SHOC1: variants seen among roughly 807,000 people sequenced by gnomAD.
The protein encoded by SHOC1 is shortage in chiasmata 1.
A neutral mutation model predicts 179.2 loss-of-function variants in SHOC1; 136 were observed. That is an observed-to-expected ratio of 0.76 (90% CI 0.66 to 0.87). SHOC1 has a LOEUF of 0.87. Ranked by LOEUF, SHOC1 falls within the 40% of genes least tolerant of loss-of-function variation. The pLI, the probability that SHOC1 is intolerant of heterozygous loss-of-function variation, is 0.00. For missense variants in SHOC1, 1,538 were observed against 1,700.8 expected, an observed-to-expected ratio of 0.90 and a Z score of 1.68; for synonymous variants, 489 against 586.6, an observed-to-expected ratio of 0.83 and a Z score of 2.41.
intron 3 of SHOC1, among the ~76,000 whole-genome samples, chr9:111,782,094 C>A (rs1449137768): frequency 6.6e-6 from 1 of 152,312 alleles, no homozygotes; most frequent in East Asian, 1.9e-4. Context: ...TGCCTGTAGT[C>A]CCAGCTCCTG....
intron 2 of SHOC1, among the ~76,000 whole-genome samples, chr9:111,788,201 C>A (rs1186769568): frequency 3.4e-5 from 5 of 148,238 alleles, no homozygotes; most frequent in African/African-American, 1.2e-4. Context: ...CAGCGAGACT[C>A]CATCTCAAAA....
chr9:111,710,433 G>A (rs1388720487), intron 18 of SHOC1, among the ~76,000 whole-genome samples: 3 of 152,088 alleles, frequency 2.0e-5, no homozygotes, highest in African/African-American at 4.8e-5. Flanking sequence ...GTATATTTCG[G>A]TTCAGTCTTT....
chr9:111,695,652 T>A (rs1251936487), intron 24 of SHOC1, among the ~76,000 whole-genome samples: 5 of 152,186 alleles, frequency 3.3e-5, no homozygotes. Context: ...ATCAGAATCA[T>A]CTGAATCATC....
chr9:111,723,939 T>A (rs12349541), intron 13 of SHOC1, 28 bp from the exon 14 acceptor site: 291,304 of 1,437,468 alleles, frequency 0.2, 31,074 homozygotes, highest in Non-Finnish European at 0.22. Flanking sequence ...AAATATAAAT[T>A]TTTGTTGTTC....
intron 12 of SHOC1, among the ~76,000 whole-genome samples, chr9:111,729,976 G>A (rs1476264121): frequency 6.6e-6 from 1 of 151,398 alleles, no homozygotes; most frequent in Non-Finnish European, 1.5e-5. Flanking sequence ...ATCCTTTGTT[G>A]TCATTACAAC....
Position 111,692,449 on chromosome 9 carries a change from T to C in SHOC1, c.3528A>G (p.Gln1176=). ...IGSSSITKSP[Q]ISSPQENRNQ... ...TCCTATTTTCCTGAGGTGACGAAATTTGCGGTGATTTTGTTATGGAAGAAG... is the reference window on the plus strand; with the variant it reads ...TCCTATTTTCCTGAGGTGACGAAATCTGCGGTGATTTTGTTATGGAAGAAG... The change falls in exon 27 of 28, where the codon CAA becomes CAG. Residue 1176 remains glutamine (Q), a synonymous_variant. Transcript: ENST00000682961. 1 of 1,607,026 alleles carries C rather than the reference T, an allele frequency of 6.2e-7. No homozygotes were observed. Among genetic ancestry groups the C allele is most frequent in the Non-Finnish European group, 8.5e-7 (1 of 1,176,826 alleles).
chr9:111,748,382 C>T lies in SHOC1; in HGVS notation c.863-183G>A, dbSNP rs191769368. Among the ~76,000 whole-genome samples the T allele has an allele frequency of 4.6e-5, 7 of 152,206 alleles. No individual in the cohort carries two copies. In the East Asian group the frequency reaches 1.3e-3, roughly 29 times the overall value. ...ATGCTAACTTAGGTAAATAACTATT[C>T]CCCCATGCACACTCCTTGTTGCCCT... On this transcript the variant is annotated intron_variant, in intron 8 of 27. Coordinates refer to ENST00000682961, the MANE Select transcript of SHOC1 (RefSeq NM_001378211.1).
chr9:111,703,702 A>T (rs573872388), intron 22 of SHOC1, among the ~76,000 whole-genome samples, 179 bp downstream of exon 22: 1 of 152,346 alleles, frequency 6.6e-6, no homozygotes, highest in Non-Finnish European at 1.5e-5. Context: ...GCTATAAGGC[A>T]TCAGAGAAGT....
intron 12 of SHOC1, among the ~76,000 whole-genome samples, chr9:111,730,645 G>A (rs139165909): frequency 1.2e-4 from 19 of 152,256 alleles, no homozygotes; most frequent in South Asian, 1.0e-3. Flanking sequence ...CTATCATTCT[G>A]GCTTTGTTGT....
At chr9:111,756,295 C>CA (rs778779131) in intron 8 of SHOC1, 30 bp downstream of exon 8, 1 of 1,530,752 alleles carries the variant, frequency 6.5e-7, no homozygotes, top group Non-Finnish European at 8.8e-7. Flanking sequence ...GTGGTTTTTA[C>CA]AAGTAATACA....
intron 5 of SHOC1, 61 bp from the exon 6 acceptor site, chr9:111,758,909 C>A: frequency 9.6e-7 from 1 of 1,036,950 alleles, no homozygotes; most frequent in Non-Finnish European, 1.4e-6. Context: ...CCAAAGAGAT[C>A]TAGATAGTTA....
intron 8 of SHOC1, among the ~76,000 whole-genome samples, chr9:111,751,589 T>C (rs572092838): frequency 1.3e-5 from 2 of 152,334 alleles, no homozygotes; most frequent in East Asian, 3.9e-4. Context: ...GCATATTTTT[T>C]CACCAAAACT....
chr9:111,736,549 T>C (rs985810476), intron 12 of SHOC1, among the ~76,000 whole-genome samples: 36 of 152,328 alleles, frequency 2.4e-4, no homozygotes, highest in Non-Finnish European at 4.4e-4. Flanking sequence ...TCTTTCACCA[T>C]ATATAAAAAT....
intron 6 of SHOC1, 80 bp from the exon 7 acceptor site, chr9:111,758,275 T>A: frequency 1.3e-6 from 1 of 749,614 alleles, no homozygotes; most frequent in Non-Finnish European, 2.1e-6. Flanking sequence ...ACATAATCAT[T>A]AAAATTAAAG....
intron 17 of SHOC1, among the ~76,000 whole-genome samples, chr9:111,714,140 T>G (rs1477983517): frequency 1.3e-5 from 2 of 152,112 alleles, no homozygotes; most frequent in Admixed American, 1.3e-4. Context: ...TCAGTCTCCC[T>G]AATAGGTAGA....
chr9:111,774,908 T>G (rs1349732428), intron 5 of SHOC1, among the ~76,000 whole-genome samples: 2 of 152,114 alleles, frequency 1.3e-5, no homozygotes, highest in African/African-American at 4.8e-5. Context: ...GAAAGGCAAT[T>G]TTCAGCAAGT....
chr9:111,714,667 T>C (rs1832710356), intron 16 of SHOC1, 44 bp from the exon 17 acceptor site: 1 of 1,514,052 alleles, frequency 6.6e-7, no homozygotes, highest in South Asian at 1.2e-5. Flanking sequence ...GTATTTGTTT[T>C]TTAAGAAACT....
intron 2 of SHOC1, among the ~76,000 whole-genome samples, chr9:111,790,027 C>T (rs1311379932): frequency 6.6e-6 from 1 of 152,108 alleles, no homozygotes; most frequent in Non-Finnish European, 1.5e-5. Context: ...CAACTAAGAT[C>T]ATAAGAACAA....
rs928613957 is a variant in SHOC1 at position 111,709,960 on chromosome 9, A to G, written c.2489-2036T>C. Reference sequence around the variant, plus strand: ...TGTATCTTCAGTAACATCAAAGGAGAAGGTGTCCCACTGAGTAGGTTTAAA... The same window carrying G: ...TGTATCTTCAGTAACATCAAAGGAGGAGGTGTCCCACTGAGTAGGTTTAAA... On this transcript the variant is annotated intron_variant, in intron 18 of 27. Coordinates refer to ENST00000682961, the MANE Select transcript of SHOC1 (RefSeq NM_001378211.1). Among the ~76,000 whole-genome samples, 5 of 152,298 alleles carry G rather than the reference A, an allele frequency of 3.3e-5. No homozygotes were observed. In the East Asian group the frequency reaches 9.6e-4, roughly 29 times the overall value.
Sources: allele counts gnomAD v4.1 joint callset (sites outside exome capture counted in the v4.1 genomes callset), GRCh38; gene constraint gnomAD v4.1.1; transcripts MANE v1.5; gene names NCBI Gene and HGNC (gene_info 2026-07-23, HGNC 2026-07-21).